CFAP68: variants seen among roughly 807,000 people sequenced by gnomAD.
CFAP68 encodes the protein cilia and flagella associated protein 68.
the CFAP68 span, among the ~76,000 whole-genome samples, chr11:111,883,462 G>A: frequency 1.1e-4 from 17 of 152,052 alleles, no homozygotes; most frequent in African/African-American, 3.6e-4. Context: ...GCTTGGTGGC[G>A]CATGCCTGTA....
chr11:111,883,695 G>A, the CFAP68 span: 1 of 984,590 alleles, frequency 1.0e-6, no homozygotes, highest in Non-Finnish European at 1.6e-6. Flanking sequence ...AGAAATAAGA[G>A]CAAGATCAGT....
At chr11:111,885,844 T>C in the CFAP68 span, 1 of 152,124 alleles carries the variant, frequency 6.6e-6, no homozygotes, top group African/African-American at 2.4e-5. Context: ...ATGTTGTTAC[T>C]CAGTAGTGAG....
chr11:111,879,541 C>CT, the CFAP68 span: 2 of 1,613,980 alleles, frequency 1.2e-6, no homozygotes, highest in Admixed American at 1.7e-5. Flanking sequence ...GGTTTTGAAC[C>CT]TTTTTTCACC....
chr11:111,881,760 CAG>C, the CFAP68 span: 2 of 996,188 alleles, frequency 2.0e-6, no homozygotes, highest in South Asian at 1.8e-5. Context: ...GGCAGAAGGA[CAG>C]GGTACAATAA....
At chr11:111,882,698 G>A in the CFAP68 span, 1 of 1,121,516 alleles carries the variant, frequency 8.9e-7, no homozygotes, top group South Asian at 1.7e-5. Flanking sequence ...TTCTGGTGCA[G>A]TGATCTCTCA....
chr11:111,885,151 C>CA, the CFAP68 span: 115 of 100,044 alleles, frequency 1.1e-3, no homozygotes, highest in Middle Eastern at 6.0e-3. Flanking sequence ...AACTCCGTCT[C>CA]AAAAAAAAAA....
the CFAP68 span, chr11:111,884,096 T>C: frequency 2.3e-6 from 1 of 426,906 alleles, no homozygotes; most frequent in South Asian, 4.0e-5. Flanking sequence ...CCTTTTTTTG[T>C]TGTTGTTTTA....
the CFAP68 span, chr11:111,880,625 AC>A: frequency 3.0e-6 from 1 of 332,302 alleles, no homozygotes. Flanking sequence ...GAATTAATCC[AC>A]CCCTTGTTTA....
the CFAP68 span, chr11:111,882,280 C>T: frequency 9.2e-7 from 1 of 1,088,478 alleles, no homozygotes; most frequent in Non-Finnish European, 1.4e-6. Flanking sequence ...TTGTGTTATA[C>T]CTGGCTATGT....
chr11:111,883,217 T>C, the CFAP68 span: 4 of 1,552,134 alleles, frequency 2.6e-6, no homozygotes, highest in South Asian at 2.4e-5. Context: ...GTGGACTGTT[T>C]TTTCAAATTC....
chr11:111,881,654 T>C, the CFAP68 span: 1 of 1,491,358 alleles, frequency 6.7e-7, no homozygotes, highest in Non-Finnish European at 8.9e-7. Flanking sequence ...ACTCACATTT[T>C]GGGGAAAAAG....
the CFAP68 span, chr11:111,881,065 G>A: frequency 2.3e-6 from 1 of 430,854 alleles, no homozygotes; most frequent in African/African-American, 2.1e-5. Flanking sequence ...ATTGAAATTT[G>A]GCAATGGGAA....
the CFAP68 span, among the ~76,000 whole-genome samples, chr11:111,880,269 T>G: frequency 6.6e-6 from 1 of 152,132 alleles, no homozygotes; most frequent in African/African-American, 2.4e-5. Flanking sequence ...TGCTCAATGT[T>G]TAGCTCCCAC....
chr11:111,884,544 G>C, the CFAP68 span: 1 of 150,766 alleles, frequency 6.6e-6, no homozygotes, highest in African/African-American at 2.4e-5. Flanking sequence ...TCCTTCTGTC[G>C]TAGCAAGACC....
At chr11:111,881,189 A>G in the CFAP68 span, 7 of 1,290,160 alleles carry the variant, frequency 5.4e-6, no homozygotes, top group Non-Finnish European at 6.9e-6. Flanking sequence ...AACTGAGTGG[A>G]TGGTGATGTC....
the CFAP68 span, chr11:111,885,816 G>A: frequency 1.8e-4 from 28 of 152,016 alleles, no homozygotes; most frequent in Non-Finnish European, 3.5e-4. Flanking sequence ...TTAGTTTCGA[G>A]ATATAGATCC....
the CFAP68 span, chr11:111,881,456 A>G: frequency 2.0e-6 from 3 of 1,535,868 alleles, no homozygotes; most frequent in Non-Finnish European, 1.7e-6. Context: ...TGCCCATGGT[A>G]ATCTGGGTGA....
At chr11:111,882,373 G>C in the CFAP68 span, 62 of 1,613,416 alleles carry the variant, frequency 3.8e-5, no homozygotes, top group Non-Finnish European at 4.9e-5. Flanking sequence ...CCCAGAGACA[G>C]AACCTCGCCT....
At chr11:111,879,614 A>G in the CFAP68 span, 3 of 1,611,222 alleles carry the variant, frequency 1.9e-6, no homozygotes, top group Non-Finnish European at 2.5e-6. Context: ...AGGTGCTTAA[A>G]TCTCCTATCT....
Sources: gnomAD v4.1 joint callset for allele counts (sites outside exome capture counted in the v4.1 genomes callset) on GRCh38, gnomAD v4.1.1 for gene constraint, MANE v1.5 for transcripts, NCBI Gene and HGNC (gene_info 2026-07-23, HGNC 2026-07-21) for gene names.